The following DNAH14 variants were observed in gnomAD, a reference collection of about 807,000 sequenced individuals.
DNAH14 encodes dynein axonemal heavy chain 14, also known as axonemal beta dynein heavy chain 14.
In DNAH14, 478 loss-of-function variants were observed where a neutral mutation model predicts 520.9. The ratio of observed to expected loss-of-function variants is 0.92; its 90% CI spans 0.85 to 0.99. The LOEUF (loss-of-function observed/expected upper bound fraction) is 0.99, where lower values mean the gene tolerates loss of function less well. Ranked by LOEUF, DNAH14 falls within the 50% of genes least tolerant of loss-of-function variation. DNAH14 has a pLI of 0.00. For synonymous variants in DNAH14, 1,581 were observed against 1,757.2 expected (o/e 0.90, Z 2.51); for missense variants, 4,831 against 5,234.5 (o/e 0.92, Z 2.38).
intron 69 of DNAH14, among the ~76,000 whole-genome samples, chr1:225,342,246 C>A (rs2095201571): frequency 6.6e-6 from 1 of 151,940 alleles, no homozygotes; most frequent in South Asian, 2.1e-4. Flanking sequence ...GGGAGGAAAC[C>A]AAGTTTGATA....
At chr1:225,149,459 T>A (rs2080269492) in intron 31 of DNAH14, among the ~76,000 whole-genome samples, 1 of 152,246 alleles carries the variant, frequency 6.6e-6, no homozygotes. Context: ...TTTCTAATTC[T>A]GTGAATTAAA....
intron 26 of DNAH14, among the ~76,000 whole-genome samples, chr1:225,122,338 A>G (rs1343856885): frequency 1.3e-5 from 2 of 152,206 alleles, no homozygotes; most frequent in Non-Finnish European, 2.9e-5. Flanking sequence ...GCAACTGACA[A>G]GCAGGGCATG....
intron 64 of DNAH14, among the ~76,000 whole-genome samples, chr1:225,330,137 A>G (rs962405934): frequency 6.6e-6 from 1 of 152,216 alleles, no homozygotes. Context: ...GCTTTTATCC[A>G]AAAGACAGGC....
Position 225,117,932 on chromosome 1 carries a change from C to T in DNAH14, c.4024C>T (p.Gln1342Ter). The change falls in exon 25 of 86, where the codon CAA (glutamine) becomes TAA (stop). Residue 1342 changes from glutamine to a stop codon, truncating the protein, a stop_gained. Coordinates refer to ENST00000682510, the MANE Select transcript of DNAH14 (RefSeq NM_001367479.1). LOFTEE classifies it high-confidence loss of function. Reference sequence around the variant, plus strand: ...TATAAAACAATTATTGATATGGAAACAAGACATTGGCCCTCCTGCTGTAAA... The same window carrying T: ...TATAAAACAATTATTGATATGGAAATAAGACATTGGCCCTCCTGCTGTAAA... ...ENIKQLLIWK[Q>*]DIGPPAVKML... is the part of the protein sequence containing the mutation. 1 of 1,551,354 alleles carries T rather than the reference C, an allele frequency of 6.4e-7. No homozygotes were observed. Among genetic ancestry groups the T allele is most frequent in the African/African-American group, 1.4e-5 (1 of 73,118 alleles).
intron 21 of DNAH14, among the ~76,000 whole-genome samples, chr1:225,091,577 A>G (rs1254697340): frequency 6.6e-6 from 1 of 152,180 alleles, no homozygotes; most frequent in South Asian, 2.1e-4. Flanking sequence ...GAGATCCTGA[A>G]GGGAGTGCTA....
chr1:225,307,064 C>T (rs1426756230), intron 58 of DNAH14, among the ~76,000 whole-genome samples: 2 of 152,146 alleles, frequency 1.3e-5, no homozygotes, highest in East Asian at 1.9e-4. Context: ...GGAATTAGTA[C>T]ATTTAAAGCC....
chr1:225,216,978 C>T (rs964011978), intron 41 of DNAH14, among the ~76,000 whole-genome samples: 1 of 152,194 alleles, frequency 6.6e-6, no homozygotes, highest in Non-Finnish European at 1.5e-5. Flanking sequence ...AGAAGAGGCG[C>T]TCTGATTTTT....
At chr1:225,200,991 A>G (rs1410479313) in intron 38 of DNAH14, among the ~76,000 whole-genome samples, 1 of 151,880 alleles carries the variant, frequency 6.6e-6, no homozygotes, top group East Asian at 1.9e-4. Context: ...AAGAACACCA[A>G]TTATTCTTAG....
chr1:225,232,272 T>TACACACAC lies in DNAH14; in HGVS notation c.6518+1122_6518+1123insCACACACA, dbSNP rs770796192. ...GTCATTATATATATAAACTGTGATA[T>TACACACAC]ATATATATACACACACACACACACA... On this transcript the variant is annotated intron_variant, in intron 42 of 85. Transcript: ENST00000682510. The surrounding 1 kb of genome is among the most constrained non-coding windows in gnomAD (Gnocchi z 4.2). 2.2e-4 allele frequency among the ~76,000 whole-genome samples: 31 copies of TACACACAC among 143,846 alleles called. No individual in the cohort carries two copies. Among genetic ancestry groups the TACACACAC allele is most frequent in the Non-Finnish European group, 3.3e-4 (22 of 66,666 alleles). The allele number at this position is 143,846 out of a possible 152,430, so 94.4% of individuals were successfully genotyped here.
intron 8 of DNAH14, among the ~76,000 whole-genome samples, chr1:224,979,314 A>G (rs1166619029): frequency 2.0e-5 from 3 of 152,136 alleles, no homozygotes; most frequent in Admixed American, 6.5e-5. Flanking sequence ...AGATAATCTG[A>G]GCACTTAGAG....
chr1:225,164,018 T>C (rs1228603928), intron 35 of DNAH14, among the ~76,000 whole-genome samples: 1 of 152,154 alleles, frequency 6.6e-6, no homozygotes, highest in African/African-American at 2.4e-5. Context: ...TCTGTGCCTA[T>C]TGGGTATAAA....
chr1:225,161,510 T>A (rs1425964409), intron 35 of DNAH14, among the ~76,000 whole-genome samples: 3 of 152,240 alleles, frequency 2.0e-5, no homozygotes, highest in Admixed American at 1.3e-4. Context: ...ATTTTCTTTC[T>A]TTGGGGTGTA....
At chr1:225,122,997 A>G (rs959145822) in intron 26 of DNAH14, among the ~76,000 whole-genome samples, 62 of 152,212 alleles carry the variant, frequency 4.1e-4, no homozygotes, top group African/African-American at 1.4e-3. Flanking sequence ...CGATTTGACT[A>G]TAAGGAAACT....
At chr1:225,247,167 G>A (rs1264844496) in intron 43 of DNAH14, among the ~76,000 whole-genome samples, 1 of 152,040 alleles carries the variant, frequency 6.6e-6, no homozygotes, top group Non-Finnish European at 1.5e-5. Context: ...ATAAATGGGA[G>A]TTGAACAATG....
At chr1:225,242,353 AAC>A (rs1315325967) in intron 43 of DNAH14, among the ~76,000 whole-genome samples, 1 of 152,112 alleles carries the variant, frequency 6.6e-6, no homozygotes, top group African/African-American at 2.4e-5. Context: ...TTAAAGCAAA[AAC>A]ACATTGTGTA....
chr1:224,970,784 C>T lies in DNAH14; in HGVS notation c.767+1910C>T, dbSNP rs1013764233. ...AATGTACATATAAATGGACTTGTGCCGTTCAAACCCATGTTGTTCAAGAGT... is the reference window on the plus strand; with the variant it reads ...AATGTACATATAAATGGACTTGTGCTGTTCAAACCCATGTTGTTCAAGAGT... On this transcript the variant is annotated intron_variant, in intron 7 of 85. Transcript: ENST00000682510. Among the ~76,000 whole-genome samples the T allele has an allele frequency of 4.6e-5, 7 of 152,062 alleles. No individual in the cohort carries two copies. The East Asian group carries it at 5.8e-4, about 13-fold the overall frequency.
chr1:225,247,803 G>T (rs2092369949), intron 43 of DNAH14, among the ~76,000 whole-genome samples: 1 of 152,066 alleles, frequency 6.6e-6, no homozygotes, highest in South Asian at 2.1e-4. Flanking sequence ...GAGGCAGGCG[G>T]ATCACGAAGT....
intron 23 of DNAH14, 76 bp from the exon 24 acceptor site, chr1:225,117,608 T>A: frequency 1.1e-6 from 1 of 876,938 alleles, no homozygotes; most frequent in Non-Finnish European, 1.8e-6. Context: ...TTTGTAAGTA[T>A]AGGTCAAAAT....
At chr1:225,131,701 A>T (rs1045752504) in intron 27 of DNAH14, among the ~76,000 whole-genome samples, 1 of 152,326 alleles carries the variant, frequency 6.6e-6, no homozygotes, top group African/African-American at 2.4e-5. Flanking sequence ...TATTCTGCCT[A>T]CTACATGCAT....
Sources: gnomAD v4.1 joint callset for allele counts (sites outside exome capture counted in the v4.1 genomes callset) on GRCh38, gnomAD v4.1.1 for gene constraint, Gnocchi (gnomAD v3.1) non-coding constraint, MANE v1.5 for transcripts, NCBI Gene and HGNC (gene_info 2026-07-23, HGNC 2026-07-21) for gene names.